Variants in ADGRL3 observed in about 807,000 individuals in gnomAD.
ADGRL3 encodes adhesion G protein-coupled receptor L3.
Under a neutral mutation model 153.5 loss-of-function variants are expected in ADGRL3, and 62 were observed. The observed-to-expected ratio is 0.40, with a 90% confidence interval of 0.33 to 0.50. The LOEUF is 0.50. ADGRL3 is among the 20% of genes least tolerant of loss of function. The probability of loss-of-function intolerance (pLI) is 0.47; values close to 1 mark genes in which losing one functional copy is unlikely to be tolerated. For synonymous variants in ADGRL3, 710 were observed against 672.5 expected, an observed-to-expected ratio of 1.06 and a Z score of -0.86; for missense variants, 1,641 against 1,859.4, an observed-to-expected ratio of 0.88 and a Z score of 2.16.
intron 24 of ADGRL3, among the ~76,000 whole-genome samples, chr4:62,040,001 C>A (rs1727326412): frequency 6.6e-6 from 1 of 152,140 alleles, no homozygotes; most frequent in Admixed American, 6.6e-5. Context: ...TAAGGCAGTG[C>A]AGCTCAATGG....
chr4:61,254,439 A>G (rs1378584179), intron 1 of ADGRL3, among the ~76,000 whole-genome samples: 1 of 152,176 alleles, frequency 6.6e-6, no homozygotes, highest in Non-Finnish European at 1.5e-5. Context: ...TTATTTTAAA[A>G]TCTTGAATGC....
At chr4:61,736,393 C>T (rs2096513453) in intron 8 of ADGRL3, among the ~76,000 whole-genome samples, 1 of 152,152 alleles carries the variant, frequency 6.6e-6, no homozygotes, top group African/African-American at 2.4e-5. Flanking sequence ...GTGGCTCTTG[C>T]CTGTAATCCC....
At chr4:61,717,879 CA>C (rs2096154588) in intron 6 of ADGRL3, among the ~76,000 whole-genome samples, 1 of 151,774 alleles carries the variant, frequency 6.6e-6, no homozygotes, top group African/African-American at 2.4e-5. Context: ...ATTAAAAGTG[CA>C]AAAATTAGCC....
intron 2 of ADGRL3, among the ~76,000 whole-genome samples, chr4:61,481,475 A>T (rs1383992474): frequency 6.6e-6 from 1 of 152,106 alleles, no homozygotes; most frequent in Non-Finnish European, 1.5e-5. Context: ...GTTTGTTGAG[A>T]TTAAAAGAAA....
intron 1 of ADGRL3, among the ~76,000 whole-genome samples, chr4:61,236,229 C>T (rs1436017782): frequency 2.0e-5 from 3 of 151,926 alleles, no homozygotes; most frequent in Middle Eastern, 6.3e-3. Flanking sequence ...AGGCTGGTCT[C>T]GAACTCCTGA....
At chr4:61,591,096 A>G (rs1394456423) in intron 5 of ADGRL3, among the ~76,000 whole-genome samples, 2 of 152,174 alleles carry the variant, frequency 1.3e-5, no homozygotes, top group Admixed American at 6.6e-5. Flanking sequence ...TGCACCAGCC[A>G]TATTCCTTCC....
intron 4 of ADGRL3, among the ~76,000 whole-genome samples, chr4:61,563,272 T>C (rs75375987): frequency 6.6e-6 from 1 of 152,118 alleles, no homozygotes; most frequent in Admixed American, 6.5e-5. Flanking sequence ...GTCTTTTTTT[T>C]CTCTGAGAAG....
chr4:61,836,282 A>G (rs2097933870), intron 9 of ADGRL3, among the ~76,000 whole-genome samples: 1 of 152,182 alleles, frequency 6.6e-6, no homozygotes, highest in African/African-American at 2.4e-5. Flanking sequence ...AACATTCTAT[A>G]ATTAGGTTTC....
chr4:61,776,326 T>C (rs2097151048), intron 8 of ADGRL3, among the ~76,000 whole-genome samples: 1 of 152,218 alleles, frequency 6.6e-6, no homozygotes, highest in Non-Finnish European at 1.5e-5. Context: ...AAGACTATTA[T>C]ATGTGAATGA....
intron 8 of ADGRL3, among the ~76,000 whole-genome samples, chr4:61,796,021 T>G (rs2152458269): frequency 6.6e-6 from 1 of 152,210 alleles, no homozygotes; most frequent in African/African-American, 2.4e-5. Context: ...TTTTGTATCT[T>G]TAGTAGAGAC....
intron 8 of ADGRL3, among the ~76,000 whole-genome samples, chr4:61,783,011 C>A (rs879846685): frequency 1.3e-5 from 2 of 152,106 alleles, no homozygotes; most frequent in Admixed American, 1.3e-4. Flanking sequence ...TGATAAGAAA[C>A]GTATTCCCAG....
intron 17 of ADGRL3, among the ~76,000 whole-genome samples, chr4:61,965,039 C>G (rs1560439826): frequency 6.6e-6 from 1 of 152,022 alleles, no homozygotes; most frequent in Non-Finnish European, 1.5e-5. Context: ...CTCACTCTTT[C>G]ACTCAGGCCG....
chr4:61,791,756 T>C (rs2097344506), intron 8 of ADGRL3, among the ~76,000 whole-genome samples: 1 of 152,084 alleles, frequency 6.6e-6, no homozygotes, highest in African/African-American at 2.4e-5. Context: ...TAGGTGGAGG[T>C]TCTCAAACCC....
rs144455730 is a variant in ADGRL3 at position 61,829,692 on chromosome 4, C to T, written c.1480+15803C>T. ...AAATTTCATGTTATGTGTTTTTTAC[C>T]ACTTTTTTTAAAAAAAGAACTTCTC... On this transcript the variant is annotated intron_variant, in intron 9 of 26. Coordinates refer to ENST00000683033, the MANE Select transcript of ADGRL3 (RefSeq NM_001387552.1). Among the ~76,000 whole-genome samples, 1,155 of 152,062 alleles carry T rather than the reference C, an allele frequency of 7.6e-3. 21 individuals are homozygous for T. Among genetic ancestry groups the T allele is most frequent in the African/African-American group, 0.027 (1,112 of 41,478 alleles).
chr4:61,364,957 A>G (rs1475322955), intron 1 of ADGRL3, among the ~76,000 whole-genome samples: 1 of 152,226 alleles, frequency 6.6e-6, no homozygotes, highest in African/African-American at 2.4e-5. Flanking sequence ...AGTTCTAACA[A>G]TTGTGACAAA....
intron 4 of ADGRL3, among the ~76,000 whole-genome samples, chr4:61,557,927 A>G (rs1214565269): frequency 1.3e-5 from 2 of 151,684 alleles, no homozygotes; most frequent in African/African-American, 2.4e-5. Context: ...AAACAACTCC[A>G]TCGAGGTCAT....
intron 1 of ADGRL3, among the ~76,000 whole-genome samples, chr4:61,334,431 G>A (rs1473529018): frequency 6.6e-6 from 1 of 152,100 alleles, no homozygotes; most frequent in Non-Finnish European, 1.5e-5. Context: ...AAAGTTTAAA[G>A]GGTATATTTG....
chr4:61,230,572 G>A (rs1750164106), intron 1 of ADGRL3, among the ~76,000 whole-genome samples: 1 of 152,020 alleles, frequency 6.6e-6, no homozygotes, highest in Non-Finnish European at 1.5e-5. Context: ...TTTTTGTAGA[G>A]ATGAGGTGTC....
chr4:62,024,706 G>A (rs916871119), intron 21 of ADGRL3, among the ~76,000 whole-genome samples: 27 of 152,022 alleles, frequency 1.8e-4, no homozygotes, highest in Admixed American at 3.3e-4. Flanking sequence ...CGAGGCGGGC[G>A]GATCACAAGG....
Sources: gnomAD v4.1 joint callset for allele counts (sites outside exome capture counted in the v4.1 genomes callset) on GRCh38, gnomAD v4.1.1 for gene constraint, MANE v1.5 for transcripts, NCBI Gene and HGNC (gene_info 2026-07-23, HGNC 2026-07-21) for gene names.